Variants in DPY19L1 observed in about 807,000 individuals in gnomAD.
DPY19L1 encodes protein C-mannosyl-transferase DPY19L1.
A neutral mutation model predicts 96.9 loss-of-function variants in DPY19L1; 35 were observed. The observed-to-expected ratio is 0.36, with a 90% CI of 0.28 to 0.48. DPY19L1 has a LOEUF of 0.48. Among genes scored for constraint, DPY19L1 ranks in the 20% least tolerant of loss-of-function variants. The probability of loss-of-function intolerance (pLI) is 0.99; values close to 1 mark genes in which losing one functional copy is unlikely to be tolerated. For missense variants in DPY19L1, 521 were observed against 777.9 expected (o/e 0.67, Z 3.93); for synonymous variants, 205 against 252.6 (o/e 0.81, Z 1.79).
intron 3 of DPY19L1, 59 bp downstream of exon 3, chr7:35,017,823 A>T: frequency 7.5e-7 from 1 of 1,331,350 alleles, no homozygotes; most frequent in Non-Finnish European, 1.0e-6. Context: ...CATAATAAAA[A>T]ATATTAAATG....
intron 13 of DPY19L1, among the ~76,000 whole-genome samples, chr7:34,950,353 G>A (rs967946150): frequency 6.6e-6 from 1 of 152,142 alleles, no homozygotes; most frequent in African/African-American, 2.4e-5. Flanking sequence ...AAATGGGCAG[G>A]TACTGGAATA....
At position 34,966,964 on chromosome 7, in the gene DPY19L1, G is replaced by A. The variant is rs1784624063; in HGVS notation, c.1022C>T (p.Ser341Leu). The A allele has an allele frequency of 3.3e-6, 5 of 1,523,082 alleles. No individual in the cohort carries two copies. Among genetic ancestry groups the A allele is most frequent in the Non-Finnish European group, 4.4e-6 (5 of 1,137,880 alleles). 94.3% of individuals were successfully genotyped at this position (1,523,082 alleles called of 1,614,324 possible). The change falls in exon 10 of 22, where the codon TCA (serine) becomes TTA (leucine). Residue 341 changes from serine (S) to leucine (L), a missense_variant. Ser to Leu is a moderately radical substitution (Grantham distance 145). Transcript: ENST00000638088. ...CCCGACAACATATACTGCAAATAAT[G>A]ATGCAATCTGAAATTTAAAAAGAAA... ...AQFVLLTQIA[S>L]LFAVYVVGYI...
chr7:35,002,125 C>CA (rs548044939), intron 6 of DPY19L1, among the ~76,000 whole-genome samples: 7,007 of 46,158 alleles, frequency 0.15, 243 homozygotes, highest in East Asian at 0.18. Context: ...GACTCCAGCT[C>CA]AAAAAAAAAA....
At chr7:35,005,006 T>G (rs1785518083) in intron 6 of DPY19L1, among the ~76,000 whole-genome samples, 1 of 152,036 alleles carries the variant, frequency 6.6e-6, no homozygotes, top group South Asian at 2.1e-4. Flanking sequence ...GGCTGAAGAG[T>G]CTAAAAATCT....
At chr7:34,939,041 G>C (rs73693347) in intron 20 of DPY19L1, 5 of 393,152 alleles carry the variant, frequency 1.3e-5, no homozygotes, top group Middle Eastern at 1.3e-3. Context: ...GTATGACTTC[G>C]TTTATATGCC....
At chr7:34,945,005 T>C (rs760761883) in intron 16 of DPY19L1, among the ~76,000 whole-genome samples, 1 of 152,206 alleles carries the variant, frequency 6.6e-6, no homozygotes, top group Non-Finnish European at 1.5e-5. Flanking sequence ...ATTAGTCATA[T>C]GTAAATACTC....
chr7:35,030,582 G>C (rs1361547764), intron 1 of DPY19L1, among the ~76,000 whole-genome samples: 1 of 152,166 alleles, frequency 6.6e-6, no homozygotes, highest in Non-Finnish European at 1.5e-5. Flanking sequence ...TTATGTGATA[G>C]TGATCGTGCT....
chr7:35,002,673 AG>A (rs1343035673), intron 6 of DPY19L1, among the ~76,000 whole-genome samples: 1 of 152,244 alleles, frequency 6.6e-6, no homozygotes. Context: ...ACAATCTTCC[AG>A]AGAGAGGAAG....
intron 7 of DPY19L1, among the ~76,000 whole-genome samples, chr7:34,974,439 G>C (rs1335182340): frequency 6.6e-6 from 1 of 152,150 alleles, no homozygotes; most frequent in Admixed American, 6.5e-5. Context: ...TATTTTCGCT[G>C]TACCTCAGAC....
chr7:35,017,550 T>C (rs1467846248), intron 3 of DPY19L1, among the ~76,000 whole-genome samples: 1 of 142,338 alleles, frequency 7.0e-6, no homozygotes, highest in Non-Finnish European at 1.5e-5. Context: ...CAGGCACCTG[T>C]AGTCCCAGCT....
chr7:34,968,718 G>A (rs1784660745), intron 9 of DPY19L1, among the ~76,000 whole-genome samples: 2 of 122,266 alleles, frequency 1.6e-5, no homozygotes, highest in Non-Finnish European at 3.2e-5. Flanking sequence ...GCAGTGAGCC[G>A]AGATTGCGCC....
At chr7:34,958,111 A>G in intron 10 of DPY19L1, 41 bp from the exon 11 acceptor site, 1 of 1,405,982 alleles carries the variant, frequency 7.1e-7, no homozygotes, top group Non-Finnish European at 9.6e-7. Flanking sequence ...ATGCACATAA[A>G]ACAAAAAACC....
chr7:34,951,999 T>C (rs142756020), intron 13 of DPY19L1, among the ~76,000 whole-genome samples: 1,803 of 144,674 alleles, frequency 0.012, 10 homozygotes, highest in Middle Eastern at 0.022. Flanking sequence ...ATATCTGAAA[T>C]AGAAATCAAG....
chr7:35,002,082 G>A (rs1278838969), intron 6 of DPY19L1, among the ~76,000 whole-genome samples: 5 of 147,548 alleles, frequency 3.4e-5, no homozygotes, highest in South Asian at 2.1e-4. Context: ...AGTCAAGATC[G>A]TGCCATTGCA....
At chr7:34,948,620 A>G (rs536391365) in intron 14 of DPY19L1, among the ~76,000 whole-genome samples, 1 of 152,362 alleles carries the variant, frequency 6.6e-6, no homozygotes, top group Non-Finnish European at 1.5e-5. Context: ...CTTATGTTTA[A>G]TACTCTCAGA....
chr7:34,954,661 T>G (rs1360366280), intron 13 of DPY19L1, 37 bp downstream of exon 13: 19 of 1,251,342 alleles, frequency 1.5e-5, no homozygotes, highest in Non-Finnish European at 1.8e-5. Context: ...TTCGATTCTT[T>G]TCAAGTCTTT....
chr7:35,018,574 G>A lies in DPY19L1; in HGVS notation c.321C>T (p.His107=), dbSNP rs868533165. The A allele has an allele frequency of 1.2e-6, 2 of 1,609,946 alleles. No individual in the cohort carries two copies. Among genetic ancestry groups the A allele is most frequent in the Non-Finnish European group, 1.7e-6 (2 of 1,178,428 alleles). Residue 107 remains histidine, a splice_region_variant and synonymous_variant, in exon 2 of 22, where the codon CAC becomes CAT. Coordinates refer to ENST00000638088, the MANE Select transcript of DPY19L1 (RefSeq NM_001366673.1). ...LLLAVFAAVL[H]WSHITHLFEN... ...ATAGGAGAAAAAAACAATCTTACCAGTGCAACACTGCTGCAAAAACAGCTG... is the reference window on the plus strand; with the variant it reads ...ATAGGAGAAAAAAACAATCTTACCAATGCAACACTGCTGCAAAAACAGCTG...
intron 6 of DPY19L1, among the ~76,000 whole-genome samples, chr7:34,998,952 T>C (rs1218220961): frequency 2.6e-5 from 4 of 151,816 alleles, no homozygotes; most frequent in African/African-American, 7.3e-5. Context: ...AATGTAAAAA[T>C]AAAATAAGGG....
intron 21 of DPY19L1, among the ~76,000 whole-genome samples, chr7:34,933,690 C>T (rs1381127436): frequency 6.6e-6 from 1 of 152,184 alleles, no homozygotes; most frequent in African/African-American, 2.4e-5. Context: ...TTCTGGCCTC[C>T]ATCTTTCTCC....
Sources: gnomAD v4.1 joint callset for allele counts (sites outside exome capture counted in the v4.1 genomes callset) on GRCh38, gnomAD v4.1.1 for gene constraint, MANE v1.5 for transcripts, NCBI Gene and HGNC (gene_info 2026-07-23, HGNC 2026-07-21) for gene names.